The following MGAT5 variants were observed in gnomAD, a reference collection of about 807,000 sequenced individuals.
The protein encoded by MGAT5 is alpha-1,6-mannosylglycoprotein 6-beta-N-acetylglucosaminyltransferase.
In MGAT5, 30 loss-of-function variants were observed where a neutral mutation model predicts 94.3. The ratio of observed to expected loss-of-function variants is 0.32; its 90% CI spans 0.24 to 0.43. The LOEUF (loss-of-function observed/expected upper bound fraction) is 0.43, where lower values mean the gene tolerates loss of function less well. Ranked by LOEUF, MGAT5 falls within the 20% of genes least tolerant of loss-of-function variation. MGAT5 has a pLI of 1.00. For synonymous variants in MGAT5, 310 were observed against 322.9 expected, an observed-to-expected ratio of 0.96 and a Z score of 0.43; for missense variants, 691 against 905.5, an observed-to-expected ratio of 0.76 and a Z score of 3.04.
Position 134,238,681 on chromosome 2 carries a change from C to T in MGAT5, c.-142-15581C>T, listed in dbSNP as rs894955354. Among the ~76,000 whole-genome samples, 12 of 152,354 alleles carry T rather than the reference C, an allele frequency of 7.9e-5. No homozygotes were observed. In the South Asian group the frequency reaches 8.3e-4, roughly 11 times the overall value. On this transcript the variant is annotated intron_variant, in intron 1 of 16. Transcript: ENST00000409645. ...GCCCTAGGCCAAGCGTGGTGGCTCA[C>T]TCCTATAATCCCAGCACTTTGGGAG...
intron 1 of MGAT5, among the ~76,000 whole-genome samples, chr2:134,234,534 A>G (rs1234299469): frequency 6.6e-6 from 1 of 152,236 alleles, no homozygotes; most frequent in East Asian, 1.9e-4. Context: ...CAACGGGGAC[A>G]AGTTTGTTCA....
intron 2 of MGAT5, among the ~76,000 whole-genome samples, chr2:134,279,228 G>A (rs1467239065): frequency 6.6e-6 from 1 of 152,178 alleles, no homozygotes; most frequent in Non-Finnish European, 1.5e-5. Flanking sequence ...CCACTTATGT[G>A]CTTTGACAGG....
rs1337820873 is a variant in MGAT5, at chr2:134,317,002, G to T, written c.407-527G>T. On this transcript the variant is annotated intron_variant, in intron 2 of 15. Transcript: ENST00000281923. ...CTGTAAGAAGCTGTATCCCATGGATGCAGGGCAGGAGTTCCTTAGGATGGT... is the reference window on the plus strand; with the variant it reads ...CTGTAAGAAGCTGTATCCCATGGATTCAGGGCAGGAGTTCCTTAGGATGGT... Among the ~76,000 whole-genome samples, 2 of 152,188 alleles carry T rather than the reference G, an allele frequency of 1.3e-5. 1 individual carries two copies. The highest frequency in any genetic ancestry group is 4.1e-4 in the South Asian group (2 of 4,824).
intron 14 of MGAT5, among the ~76,000 whole-genome samples, chr2:134,429,323 C>T (rs929973124): frequency 3.3e-5 from 5 of 152,214 alleles, no homozygotes; most frequent in African/African-American, 1.2e-4. Flanking sequence ...GCCAGCAGCC[C>T]TGGGTGCTGC....
chr2:134,375,506 A>T (rs1258726144), intron 10 of MGAT5, among the ~76,000 whole-genome samples: 1 of 152,242 alleles, frequency 6.6e-6, no homozygotes, highest in African/African-American at 2.4e-5. Flanking sequence ...AAAACAAGTG[A>T]AACAAAGCTT....
chr2:134,441,893 A>C lies in MGAT5; in HGVS notation c.2005A>C (p.Asn669His). 1 of 1,614,022 alleles carries C rather than the reference A, an allele frequency of 6.2e-7. No homozygotes were observed. The highest frequency in any genetic ancestry group is 8.5e-7 in the Non-Finnish European group (1 of 1,179,976). ...CGAGCCTTCTTTCTTCCAGCACCTC[A>C]ACAAGGACAAGGACATGCTGAAGTA... Reference protein sequence around the residue: ...ICEPSFFQHLNKDKDMLKYKV... With the variant: ...ICEPSFFQHLHKDKDMLKYKV... The change falls in exon 15 of 16, where the codon AAC becomes CAC. Residue 669 changes from asparagine (N) to histidine (H), a missense_variant. By Grantham distance (68) the Asn-to-His change is moderately conservative. Transcript: ENST00000281923.
intron 1 of MGAT5, among the ~76,000 whole-genome samples, chr2:134,165,264 G>C (rs571901122): frequency 6.6e-6 from 1 of 152,348 alleles, no homozygotes; most frequent in Non-Finnish European, 1.5e-5. Context: ...TAGCCACAGA[G>C]CTAGGATGTA....
intron 2 of MGAT5, among the ~76,000 whole-genome samples, chr2:134,298,967 T>C (rs966084712): frequency 6.6e-6 from 1 of 152,218 alleles, no homozygotes; most frequent in Non-Finnish European, 1.5e-5. Context: ...AGAATTCTTC[T>C]GCTTTCTTGT....
intron 10 of MGAT5, among the ~76,000 whole-genome samples, chr2:134,372,901 C>A (rs536370484): frequency 6.6e-6 from 1 of 152,206 alleles, no homozygotes; most frequent in Non-Finnish European, 1.5e-5. Flanking sequence ...CTCCTGCGAA[C>A]GCCAGGGCTG....
At chr2:134,162,810 G>A (rs1390402518) in intron 1 of MGAT5, among the ~76,000 whole-genome samples, 1 of 152,226 alleles carries the variant, frequency 6.6e-6, no homozygotes, top group East Asian at 1.9e-4. Context: ...CAATGACCAT[G>A]TGGGGTAGGT....
chr2:134,206,815 G>A (rs1680041526), intron 1 of MGAT5, among the ~76,000 whole-genome samples: 2 of 152,202 alleles, frequency 1.3e-5, no homozygotes, highest in South Asian at 4.1e-4. Flanking sequence ...CCAGAAGCTG[G>A]AAGAGGCAAG....
intron 1 of MGAT5, among the ~76,000 whole-genome samples, chr2:134,145,269 G>A (rs1378169293): frequency 3.3e-5 from 5 of 150,700 alleles, no homozygotes. Context: ...AATGCGGGCT[G>A]GGCGCGGTGG....
intron 1 of MGAT5, among the ~76,000 whole-genome samples, chr2:134,180,125 T>G (rs1216671271): frequency 6.6e-6 from 1 of 152,144 alleles, no homozygotes; most frequent in Non-Finnish European, 1.5e-5. Context: ...TCCCAGAAAA[T>G]ATTTCACTAC....
At chr2:134,333,194 A>T (rs948757575) in intron 4 of MGAT5, among the ~76,000 whole-genome samples, 1 of 152,142 alleles carries the variant, frequency 6.6e-6, no homozygotes, top group African/African-American at 2.4e-5. Context: ...CAAATGTCCA[A>T]CAATGATAGA....
At position 134,385,095 on chromosome 2, in the gene MGAT5, T is replaced by C. The variant is rs149783506; in HGVS notation, c.1381-17893T>C. ...ATTACTACCTGTAGCTGAGTAAATG[T>C]ATCTTATATTAAGCTGCTGTTATTG... On this transcript the variant is annotated intron_variant, in intron 10 of 15. Transcript: ENST00000281923. 3.9e-5 allele frequency among the ~76,000 whole-genome samples: 6 copies of C among 152,336 alleles called. No homozygotes were observed. In the East Asian group the frequency reaches 1.2e-3, roughly 29 times the overall value.
At chr2:134,144,282 A>G (rs1382471820) in intron 1 of MGAT5, among the ~76,000 whole-genome samples, 1 of 152,186 alleles carries the variant, frequency 6.6e-6, no homozygotes, top group Non-Finnish European at 1.5e-5. Flanking sequence ...CTGGGGAGGT[A>G]CAAGGAAACT....
chr2:134,436,157 G>A (rs549387370), intron 14 of MGAT5, among the ~76,000 whole-genome samples: 91 of 152,310 alleles, frequency 6.0e-4, no homozygotes, highest in African/African-American at 2.1e-3. Flanking sequence ...AAGGAGGGAA[G>A]GACAGATGGC....
At chr2:134,181,837 T>C (rs1359394391) in intron 1 of MGAT5, among the ~76,000 whole-genome samples, 1 of 152,220 alleles carries the variant, frequency 6.6e-6, no homozygotes, top group Non-Finnish European at 1.5e-5. Context: ...TAAATTCCTG[T>C]TTAGAATTGT....
intron 1 of MGAT5, among the ~76,000 whole-genome samples, chr2:134,126,336 C>T (rs564956956): frequency 6.6e-6 from 1 of 152,368 alleles, no homozygotes; most frequent in African/African-American, 2.4e-5. Context: ...CATGTGACCA[C>T]TTTGGGCCTC....
Sources: allele counts gnomAD v4.1 joint callset (sites outside exome capture counted in the v4.1 genomes callset), GRCh38; gene constraint gnomAD v4.1.1; transcripts MANE v1.5; gene names NCBI Gene and HGNC (gene_info 2026-07-23, HGNC 2026-07-21).